CPED1: variants seen among roughly 807,000 people sequenced by gnomAD.
CPED1 encodes cadherin-like and PC-esterase domain-containing protein 1.
A neutral mutation model predicts 128.2 loss-of-function variants in CPED1; 114 were observed. That is an observed-to-expected ratio of 0.89 (90% CI 0.76 to 1.04). The LOEUF (loss-of-function observed/expected upper bound fraction) is 1.04, where lower values mean the gene tolerates loss of function less well. CPED1 is among the 50% of genes least tolerant of loss of function. The pLI is 0.00. For missense variants in CPED1, 1,211 were observed against 1,207.1 expected (o/e 1.00, Z -0.05); for synonymous variants, 462 against 426.7 (o/e 1.08, Z -1.02).
intron 5 of CPED1, among the ~76,000 whole-genome samples, chr7:121,082,455 C>G (rs948224053): frequency 4.6e-5 from 7 of 152,008 alleles, no homozygotes; most frequent in Admixed American, 4.6e-4. Context: ...TGAGTATAAT[C>G]AAAAAACATA....
At chr7:121,016,637 T>C (rs963357819) in intron 3 of CPED1, among the ~76,000 whole-genome samples, 5 of 152,232 alleles carry the variant, frequency 3.3e-5, no homozygotes, top group African/African-American at 1.2e-4. Flanking sequence ...CAGATGGTGA[T>C]ACCTGTGTTT....
Position 121,216,160 on chromosome 7 carries a change from T to A in CPED1, c.2056-20554T>A, listed in dbSNP as rs975474657. 2.0e-5 allele frequency among the ~76,000 whole-genome samples: 3 copies of A among 151,982 alleles called. No individual in the cohort carries two copies. In the South Asian group the frequency reaches 6.2e-4, roughly 31 times the overall value. ...TATAATGAAGATTCCTACGTTACAG[T>A]GATTTAAATAAGATAGAAAAGTATT... On this transcript the variant is annotated intron_variant, in intron 16 of 22. Coordinates refer to ENST00000310396, the MANE Select transcript of CPED1 (RefSeq NM_024913.5).
intron 5 of CPED1, among the ~76,000 whole-genome samples, chr7:121,079,898 T>TGGGTAA (rs1193862602): frequency 1.3e-5 from 2 of 152,250 alleles, no homozygotes; most frequent in African/African-American, 4.8e-5. Context: ...GAGGCAACAT[T>TGGGTAA]GGGTAACACG....
At chr7:121,086,772 A>G (rs1490584008) in intron 5 of CPED1, among the ~76,000 whole-genome samples, 1 of 152,246 alleles carries the variant, frequency 6.6e-6, no homozygotes, top group Admixed American at 6.5e-5. Context: ...ATTGCAAATC[A>G]TTTGATGGAT....
intron 16 of CPED1, among the ~76,000 whole-genome samples, chr7:121,206,242 G>A (rs899441204): frequency 6.6e-6 from 1 of 151,946 alleles, no homozygotes; most frequent in Admixed American, 6.6e-5. Context: ...AGTTTTAGAT[G>A]GGTAATTAAG....
Position 121,125,862 on chromosome 7 carries a change from T to A in CPED1, c.1104T>A (p.Tyr368Ter). The change falls in exon 9 of 23, where the codon TAT becomes TAA. Residue 368 changes from tyrosine (Y) to a stop codon, truncating the protein, a stop_gained. Coordinates refer to ENST00000310396, the MANE Select transcript of CPED1 (RefSeq NM_024913.5). LOFTEE classifies it high-confidence loss of function. ...CFQLLTFDIG[Y>*]GSFMYPVVLQ... The stretch of plus-strand genomic sequence containing the variant: ...AACTTCTAACTTTTGATATTGGTTA[T>A]GGCAGTTTCATGTACCCTGTAGTGC... The A allele has an allele frequency of 6.2e-7, 1 of 1,613,734 alleles. No homozygotes were observed. The highest frequency in any genetic ancestry group is 8.5e-7 in the Non-Finnish European group (1 of 1,179,704).
In CPED1 at chr7:121,265,786, T is replaced by C. The variant is rs1054088683; in HGVS notation, c.2311-441T>C. 6.6e-5 allele frequency among the ~76,000 whole-genome samples: 10 copies of C among 152,144 alleles called. No homozygotes were observed. In the East Asian group the frequency reaches 1.6e-3, roughly 24 times the overall value. ...ATTAGATTCTGGTTCTGTGGTTCTT[T>C]CGTCAAGTAGACACGACCTCTATTG... On this transcript the variant is annotated intron_variant, in intron 18 of 22. Coordinates refer to ENST00000310396, the MANE Select transcript of CPED1 (RefSeq NM_024913.5).
chr7:121,114,746 G>T (rs1795194667), intron 7 of CPED1, among the ~76,000 whole-genome samples: 1 of 152,152 alleles, frequency 6.6e-6, no homozygotes, highest in Non-Finnish European at 1.5e-5. Flanking sequence ...TATGTCAAAA[G>T]ATTGACAAAG....
chr7:121,151,503 A>G (rs531420994), intron 16 of CPED1, among the ~76,000 whole-genome samples: 31 of 152,222 alleles, frequency 2.0e-4, no homozygotes, highest in Admixed American at 1.3e-4. Flanking sequence ...TAACAATATA[A>G]CATTTTGGAA....
intron 16 of CPED1, among the ~76,000 whole-genome samples, chr7:121,227,085 A>G (rs1426301882): frequency 6.6e-6 from 1 of 152,046 alleles, no homozygotes; most frequent in Non-Finnish European, 1.5e-5. Flanking sequence ...TTCTGTAGAG[A>G]CTCAAAAACA....
intron 16 of CPED1, among the ~76,000 whole-genome samples, chr7:121,145,186 A>G (rs149682364): frequency 1.9e-3 from 291 of 152,150 alleles, no homozygotes; most frequent in African/African-American, 4.0e-3. Context: ...TTATACCTCA[A>G]TAAATTAGGA....
intron 18 of CPED1, among the ~76,000 whole-genome samples, chr7:121,251,285 T>C (rs1250079046): frequency 6.6e-6 from 1 of 152,162 alleles, no homozygotes; most frequent in South Asian, 2.1e-4. Flanking sequence ...CTAAAAACTC[T>C]CAATAAATTA....
intron 16 of CPED1, among the ~76,000 whole-genome samples, chr7:121,187,164 T>C (rs1188356555): frequency 5.9e-5 from 9 of 152,214 alleles, no homozygotes; most frequent in African/African-American, 2.2e-4. Flanking sequence ...CAAAATAATA[T>C]AATAATTACA....
rs543718180 is a variant in CPED1 at position 121,060,013 on chromosome 7, G to C, written c.541-4225G>C. On this transcript the variant is annotated intron_variant, in intron 4 of 22. Transcript: ENST00000310396. ...AACCCGGGCTGCGCGCGGCGCTTGC[G>C]GGCCAGCTGGAGTTCCGGGTGGGCG... 1.2e-3 allele frequency among the ~76,000 whole-genome samples: 184 copies of C among 152,288 alleles called. 2 individuals carry two copies. The highest frequency in any genetic ancestry group is 0.01 in the South Asian group (49 of 4,830).
chr7:121,072,185 CA>C (rs11318194), intron 5 of CPED1, among the ~76,000 whole-genome samples: 5,915 of 139,302 alleles, frequency 0.042, 416 homozygotes, highest in African/African-American at 0.14. Flanking sequence ...TTTTCCTATA[CA>C]AAAAAAAAAA....
At chr7:121,025,445 T>C (rs945603988) in intron 3 of CPED1, among the ~76,000 whole-genome samples, 6 of 152,212 alleles carry the variant, frequency 3.9e-5, no homozygotes, top group African/African-American at 1.2e-4. Context: ...TCAAAAGTTA[T>C]ATAAATTCTA....
chr7:121,031,013 G>A (rs1211466436), intron 3 of CPED1, among the ~76,000 whole-genome samples: 4 of 152,204 alleles, frequency 2.6e-5, no homozygotes, highest in Admixed American at 1.3e-4. Context: ...TGGAGTTGAC[G>A]CTTGACCCAA....
At chr7:121,290,691 T>G (rs958549509) in intron 22 of CPED1, among the ~76,000 whole-genome samples, 2 of 152,256 alleles carry the variant, frequency 1.3e-5, no homozygotes, top group Admixed American at 6.5e-5. Context: ...TCCTTGTAGA[T>G]TCTGGATTTA....
At chr7:120,991,772 C>T (rs1233708584) in intron 2 of CPED1, among the ~76,000 whole-genome samples, 1 of 152,150 alleles carries the variant, frequency 6.6e-6, no homozygotes, top group Non-Finnish European at 1.5e-5. Context: ...AAATGCCAAA[C>T]ACATGATGAA....
Sources: allele counts gnomAD v4.1 joint callset (sites outside exome capture counted in the v4.1 genomes callset), GRCh38; gene constraint gnomAD v4.1.1; transcripts MANE v1.5; gene names NCBI Gene and HGNC (gene_info 2026-07-23, HGNC 2026-07-21).